The following FOXA1 variants were observed in gnomAD, a reference collection of about 807,000 sequenced individuals.
FOXA1 encodes the protein hepatocyte nuclear factor 3-alpha.
FOXA1 carries 9 observed loss-of-function variants against 29.2 expected under a neutral mutation model. The observed-to-expected ratio is 0.31, with a 90% CI of 0.19 to 0.54. FOXA1 has a LOEUF of 0.54. FOXA1 is among the 20% of genes least tolerant of loss of function. FOXA1 has a pLI of 0.95. For missense variants in FOXA1, 644 were observed against 681.2 expected, an observed-to-expected ratio of 0.95 and a Z score of 0.61; for synonymous variants, 340 against 300.9, an observed-to-expected ratio of 1.13 and a Z score of -1.34.
intron 1 of FOXA1, 130 bp from the exon 2 acceptor site, chr14:37,592,841 C>G (rs2095597493): frequency 1.8e-6 from 2 of 1,128,612 alleles, no homozygotes; most frequent in Admixed American, 3.6e-5. Flanking sequence ...CGCCCCCACC[C>G]GGGGCAAATG....
chr14:37,592,787 A>T, intron 1 of FOXA1, 76 bp from the exon 2 acceptor site: 2 of 1,579,212 alleles, frequency 1.3e-6, no homozygotes, highest in South Asian at 2.2e-5. Flanking sequence ...GCCGTCCGGG[A>T]CCTAACCCGG....
In FOXA1 at chr14:37,595,239, G is replaced by A; in HGVS notation, c.-267C>T. 1 of 304,014 alleles carries A rather than the reference G, an allele frequency of 3.3e-6. No individual in the cohort carries two copies. The highest frequency in any genetic ancestry group is 1.4e-4 in the South Asian group (1 of 6,958). 18.8% of individuals were successfully genotyped at this position (304,014 alleles called of 1,614,324 possible). ...GGGAGCGCCTCCGCGGGAAGTGAGC[G>A]GGCTGCCTCTGCGAGGCAAGTGCAG... On this transcript the variant is annotated 5_prime_UTR_variant, in exon 1 of 2. Coordinates refer to ENST00000250448, the MANE Select transcript of FOXA1 (RefSeq NM_004496.5).
chr14:37,591,550 G>T lies in FOXA1; in HGVS notation c.1234C>A (p.Gln412Lys), dbSNP rs1298525088. Residue 412 changes from glutamine (Q) to lysine (K), a missense_variant, in exon 2 of 2, where the codon CAG (glutamine) becomes AAG (lysine). By Grantham distance (53) the Gln-to-Lys change is moderately conservative. This residue lies in a region of FOXA1 where 295 missense variants were observed against 294.4 expected (regional missense o/e 1.00). Transcript: ENST00000250448. Reference sequence around the variant, plus strand: ...TATGCCTTGAAGTCCAGCTTATGCTGCTGCTCCGAGGAGGACATGAGGTTG... The same window carrying T: ...TATGCCTTGAAGTCCAGCTTATGCTTCTGCTCCGAGGAGGACATGAGGTTG... ...INNLMSSSEQQHKLDFKAYEQ... is the reference protein window; with the variant it reads ...INNLMSSSEQKHKLDFKAYEQ... The T allele has an allele frequency of 6.2e-7, 1 of 1,614,120 alleles. No homozygotes were observed. The highest frequency in any genetic ancestry group is 1.1e-5 in the South Asian group (1 of 91,094).
At position 37,590,888 on chromosome 14, in the gene FOXA1, C is replaced by T; in HGVS notation, c.*477G>A. On this transcript the variant is annotated 3_prime_UTR_variant, in exon 2 of 2. Coordinates refer to ENST00000250448, the MANE Select transcript of FOXA1 (RefSeq NM_004496.5). Reference sequence around the variant, plus strand: ...CCTCTAGTGTATACTTGTTTCTTCACCATTTCAATTCTTATGGTTAAGAGT... The same window carrying T: ...CCTCTAGTGTATACTTGTTTCTTCATCATTTCAATTCTTATGGTTAAGAGT... 1 of 302,168 alleles carries T rather than the reference C, an allele frequency of 3.3e-6. No individual in the cohort carries two copies. The allele number at this position is 302,168 out of a possible 1,614,324, so 18.7% of individuals were successfully genotyped here. A position where few individuals can be genotyped will look rare whatever the true frequency, so the allele number is the denominator to read the frequency against.
In FOXA1 at chr14:37,591,609, G is replaced by A. The variant is rs768062390; in HGVS notation, c.1175C>T (p.Pro392Leu). 3 of 1,611,418 alleles carry A rather than the reference G, an allele frequency of 1.9e-6. No homozygotes were observed. In the South Asian group the frequency reaches 3.3e-5, roughly 18 times the overall value. The change falls in exon 2 of 2, where the codon CCC becomes CTC. Residue 392 changes from proline (P) to leucine (L), a missense_variant. Around this residue, in one of 5 missense-constraint regions of FOXA1, gnomAD observed 295 missense variants for 294.4 expected, o/e 1.00. Transcript: ENST00000250448. ...HESQLHLKGD[P>L]HYSFNHPFSI... Reference sequence around the variant, plus strand: ...GAACGGGTGGTTGAAGGAGTAGTGGGGGTCCCCTTTCAGGTGCAGCTGGGA... The same window carrying A: ...GAACGGGTGGTTGAAGGAGTAGTGGAGGTCCCCTTTCAGGTGCAGCTGGGA...
rs1305238793 is a variant in FOXA1 at position 37,591,686 on chromosome 14, C to G, written c.1098G>C (p.Ala366=). ...GGTGAGAGGCGGGCACAGAGGCCAG[C>G]GCCCCGGGCCCGGAGCTTATGGGGG... ...TAPPISSGPG[A]LASVPASHPA... The change falls in exon 2 of 2, where the codon GCG becomes GCC. Residue 366 remains alanine (A), a synonymous_variant. Coordinates refer to ENST00000250448, the MANE Select transcript of FOXA1 (RefSeq NM_004496.5). 6.3e-7 allele frequency: 1 copy of G among 1,585,502 alleles called. No individual in the cohort carries two copies. Among genetic ancestry groups the G allele is most frequent in the Non-Finnish European group, 8.6e-7 (1 of 1,165,418 alleles).
At position 37,591,424 on chromosome 14, in the gene FOXA1, C is replaced by G. The variant is rs1188520500; in HGVS notation, c.1360G>C (p.Ala454Pro). The G allele has an allele frequency of 6.2e-7, 1 of 1,614,002 alleles. No homozygotes were observed. Among genetic ancestry groups the G allele is most frequent in the African/African-American group, 1.3e-5 (1 of 74,924 alleles). Residue 454 changes from alanine (A) to proline (P), a missense_variant, in exon 2 of 2, where the codon GCC becomes CCC. Physicochemically the swap from Ala to Pro is conservative, Grantham distance 27 (BLOSUM62 -1). Coordinates refer to ENST00000250448, the MANE Select transcript of FOXA1 (RefSeq NM_004496.5). ...CCTTGGTAGTACGCCGGCTCCAGGGCTGAGGGCTCGATGGGGCTCCTGGTG... is the reference window on the plus strand; with the variant it reads ...CCTTGGTAGTACGCCGGCTCCAGGGGTGAGGGCTCGATGGGGCTCCTGGTG... The part of the protein sequence containing the change: ...VTTRSPIEPS[A>P]LEPAYYQGVY...
chr14:37,591,460 C>A lies in FOXA1; in HGVS notation c.1324G>T (p.Ala442Ser). The A allele has an allele frequency of 1.9e-6, 3 of 1,614,190 alleles. No homozygotes were observed. Among genetic ancestry groups the A allele is most frequent in the South Asian group, 1.1e-5 (1 of 91,080 alleles). Residue 442 changes from alanine to serine, a missense_variant, in exon 2 of 2, where the codon GCC (alanine) becomes TCC (serine). Transcript: ENST00000250448. ...ATGGGGCTCCTGGTGGTCACCGAGG[C>A]GCTGCCTAGAGGCAGGCTGGCGGGC... Reference protein sequence around the residue: ...TLPASLPLGSASVTTRSPIEP... With the variant: ...TLPASLPLGSSSVTTRSPIEP...
Position 37,591,266 on chromosome 14 carries a change from T to C in FOXA1, c.*99A>G, listed in dbSNP as rs976211371. 7.2e-7 allele frequency: 1 copy of C among 1,390,910 alleles called. No homozygotes were observed. Among genetic ancestry groups the C allele is most frequent in the African/African-American group, 1.4e-5 (1 of 70,508 alleles). 86.2% of individuals were successfully genotyped at this position (1,390,910 alleles called of 1,614,324 possible). ...AAAAATAGTTGTTGGGATTTTATTA[T>C]GCTGTTGACGGTTTGGTTTGTGTGG... On this transcript the variant is annotated 3_prime_UTR_variant, in exon 2 of 2. Transcript: ENST00000250448.
Position 37,595,048 on chromosome 14 carries a change from G to C in FOXA1, c.-76C>G. ...GGCGGCCGCGCGGCGCGGGGCGGGG[G>C]AGGGGAGCTGAGCAGCTGCAGTCAC... On this transcript the variant is annotated 5_prime_UTR_variant, in exon 1 of 2. Coordinates refer to ENST00000250448, the MANE Select transcript of FOXA1 (RefSeq NM_004496.5). 7.3e-7 allele frequency: 1 copy of C among 1,377,142 alleles called. No homozygotes were observed. The highest frequency in any genetic ancestry group is 1.3e-5 in the South Asian group (1 of 78,820). 85.3% of individuals were successfully genotyped at this position (1,377,142 alleles called of 1,614,324 possible).
In FOXA1 at chr14:37,594,882, G is replaced by A. The variant is rs2139188020; in HGVS notation, c.72+19C>T. 2.6e-6 allele frequency: 4 copies of A among 1,544,086 alleles called. No homozygotes were observed. The highest frequency in any genetic ancestry group is 1.8e-4 in the Middle Eastern group (1 of 5,676). On this transcript the variant is annotated intron_variant, in intron 1 of 1. Transcript: ENST00000250448. ...TCCAGCGGCGCCCCACCGGCCGCCC[G>A]CCTCGCCTTGCCTCTCACCTCCTGC...
At position 37,590,568 on chromosome 14, in the gene FOXA1, A is replaced by G. The variant is rs1417017947; in HGVS notation, c.*797T>C. 7 of 226,480 alleles carry G rather than the reference A, an allele frequency of 3.1e-5. No homozygotes were observed. Among genetic ancestry groups the G allele is most frequent in the Admixed American group, 2.8e-4 (5 of 17,578 alleles). The allele number at this position is 226,480 out of a possible 1,614,324, so 14.0% of individuals were successfully genotyped here. On this transcript the variant is annotated 3_prime_UTR_variant, in exon 2 of 2. Transcript: ENST00000250448. Reference sequence around the variant, plus strand: ...TTGATTCCCAGGGCCATCTGTGGGTAGAGAGGACAAAGGGGTTGGGGTCCT... The same window carrying G: ...TTGATTCCCAGGGCCATCTGTGGGTGGAGAGGACAAAGGGGTTGGGGTCCT...
chr14:37,592,389 G>T lies in FOXA1; in HGVS notation c.395C>A (p.Ala132Asp), dbSNP rs1341491551. Residue 132 changes from alanine to aspartate, a missense_variant, in exon 2 of 2, where the codon GCC (alanine) becomes GAC (aspartate). Around this residue, in one of 5 missense-constraint regions of FOXA1, gnomAD observed 309 missense variants for 307.0 expected, o/e 1.01. Transcript: ENST00000250448. Reference protein sequence around the residue: ...ASMNGLGPYAAAMNPCMSPMA... With the variant: ...ASMNGLGPYADAMNPCMSPMA... ...GGGGCTCATGCACGGGTTCATGGCG[G>T]CCGCGTAGGGGCCCAGGCCATTCAT... is the stretch of plus-strand genomic sequence containing the variant. 1 of 1,601,300 alleles carries T rather than the reference G, an allele frequency of 6.2e-7. No individual in the cohort carries two copies. Among genetic ancestry groups the T allele is most frequent in the Non-Finnish European group, 8.5e-7 (1 of 1,176,258 alleles).
Position 37,595,114 on chromosome 14 carries a change from G to A in FOXA1, c.-142C>T. 1 of 478,014 alleles carries A rather than the reference G, an allele frequency of 2.1e-6. No homozygotes were observed. Among genetic ancestry groups the A allele is most frequent in the Non-Finnish European group, 3.1e-6 (1 of 320,040 alleles). 29.6% of individuals were successfully genotyped at this position (478,014 alleles called of 1,614,324 possible). A position where few individuals can be genotyped will look rare whatever the true frequency, so the allele number is the denominator to read the frequency against. ...GGCCCAACGCCACCCGGGCGAAGAGGAAGCCCAGAGCTGCGGGGCGCGGCG... is the reference window on the plus strand; with the variant it reads ...GGCCCAACGCCACCCGGGCGAAGAGAAAGCCCAGAGCTGCGGGGCGCGGCG... On this transcript the variant is annotated 5_prime_UTR_variant, in exon 1 of 2. Transcript: ENST00000250448.
rs548142715 is a variant in FOXA1, at chr14:37,590,666, T to C, written c.*699A>G. ...CTATCTATTACCTCTATATGTTATG[T>C]AAATATACGGAGGATGTCTACACAT... On this transcript the variant is annotated 3_prime_UTR_variant, in exon 2 of 2. Coordinates refer to ENST00000250448, the MANE Select transcript of FOXA1 (RefSeq NM_004496.5). 4 of 230,164 alleles carry C rather than the reference T, an allele frequency of 1.7e-5. No individual in the cohort carries two copies. The South Asian group carries it at 7.2e-4, about 41-fold the overall frequency. 14.3% of individuals were successfully genotyped at this position (230,164 alleles called of 1,614,324 possible).
Position 37,590,140 on chromosome 14 carries a change from C to T in FOXA1, c.*1225G>A, listed in dbSNP as rs2095594309. ...TTAACAATTTAATTTGTAATTTTAA[C>T]CATCATTTAAAGCAATTTCAGCTGT... On this transcript the variant is annotated 3_prime_UTR_variant, in exon 2 of 2. Coordinates refer to ENST00000250448, the MANE Select transcript of FOXA1 (RefSeq NM_004496.5). 4.3e-6 allele frequency: 1 copy of T among 231,624 alleles called. No homozygotes were observed. The highest frequency in any genetic ancestry group is 5.6e-5 in the Admixed American group (1 of 17,732). The allele number at this position is 231,624 out of a possible 1,614,324, so 14.3% of individuals were successfully genotyped here.
Position 37,591,962 on chromosome 14 carries a change from G to C in FOXA1, c.822C>G (p.Ala274=), listed in dbSNP as rs1012429678. Residue 274 remains alanine (A), a synonymous_variant, in exon 2 of 2, where the codon GCC becomes GCG. Transcript: ENST00000250448. ...KRFKCEKQPG[A]GGGGGSGSGG... ...CGCTTCCGCTCCCGCCCCCGCCGCC[G>C]GCCCCCGGCTGCTTCTCGCACTTGA... The C allele has an allele frequency of 6.5e-7, 1 of 1,539,410 alleles. No individual in the cohort carries two copies. The highest frequency in any genetic ancestry group is 1.3e-5 in the South Asian group (1 of 79,608).
chr14:37,594,348 G>A (rs2095599627), intron 1 of FOXA1: 10 of 1,094,556 alleles, frequency 9.1e-6, no homozygotes, highest in Non-Finnish European at 9.0e-6. Flanking sequence ...GGTCGCACTA[G>A]CGCCACCCAG....
rs773810596 is a variant in FOXA1 at position 37,592,303 on chromosome 14, T to C, written c.481A>G (p.Thr161Ala). The change falls in exon 2 of 2, where the codon ACG becomes GCG. Residue 161 changes from threonine (T) to alanine (A), a missense_variant. Thr to Ala is a moderately conservative substitution (Grantham distance 58). Around this residue, in one of 5 missense-constraint regions of FOXA1, gnomAD observed 309 missense variants for 307.0 expected, o/e 1.01. Coordinates refer to ENST00000250448, the MANE Select transcript of FOXA1 (RefSeq NM_004496.5). ...GCGTGCGGGTAGCTGCGCTTGAACG[T>C]CTTGGCGTCGCCGCCGCCGCCCGCG... ...SRAGGGGDAK[T>A]FKRSYPHAKP... The C allele has an allele frequency of 1.3e-5, 21 of 1,604,936 alleles. No homozygotes were observed. The highest frequency in any genetic ancestry group is 3.3e-5 in the South Asian group (3 of 90,236).
Sources: gnomAD v4.1 joint callset for allele counts on GRCh38, gnomAD v4.1.1 for gene constraint, gnomAD v4.1.1 regional missense constraint, MANE v1.5 for transcripts, NCBI Gene and HGNC (gene_info 2026-07-23, HGNC 2026-07-21) for gene names.